Variants in GRM5 observed in about 807,000 individuals in gnomAD.
GRM5 encodes glutamate metabotropic receptor 5.
GRM5 carries 19 observed loss-of-function variants against 83.1 expected under a neutral mutation model. The observed-to-expected ratio is 0.23, with a 90% CI of 0.16 to 0.34. The LOEUF (loss-of-function observed/expected upper bound fraction) is 0.34. Ranked by LOEUF, GRM5 falls within the 10% of genes least tolerant of loss-of-function variation. The probability of loss-of-function intolerance (pLI) is 1.00; values close to 1 mark genes in which losing one functional copy is unlikely to be tolerated. For synonymous variants in GRM5, 675 were observed against 633.6 expected, an observed-to-expected ratio of 1.07 and a Z score of -0.98; for missense variants, 1,160 against 1,588.3, an observed-to-expected ratio of 0.73 and a Z score of 4.58.
chr11:88,634,698 A>G lies in GRM5; in HGVS notation c.1147+18470T>C, dbSNP rs553005539. 2.3e-4 allele frequency among the ~76,000 whole-genome samples: 35 copies of G among 152,314 alleles called. No individual in the cohort carries two copies. The South Asian group carries it at 6.8e-3, about 30-fold the overall frequency. On this transcript the variant is annotated intron_variant, in intron 4 of 9. Coordinates refer to ENST00000305447, the MANE Select transcript of GRM5 (RefSeq NM_001143831.3). ...TTTTACAGTTGACTTTTTATTTCTT[A>G]TAAGTAGAAGGAGTACACTCCCAAG... is the stretch of plus-strand genomic sequence containing the variant.
intron 1 of GRM5, among the ~76,000 whole-genome samples, chr11:89,058,806 G>A (rs374119478): frequency 6.6e-5 from 10 of 152,168 alleles, no homozygotes; most frequent in Admixed American, 5.9e-4. Context: ...TATACTTCCC[G>A]AATTCAAAGG....
At chr11:88,996,346 C>T (rs1196936383) in intron 2 of GRM5, among the ~76,000 whole-genome samples, 2 of 152,182 alleles carry the variant, frequency 1.3e-5, no homozygotes, top group Admixed American at 6.5e-5. Context: ...TGTACTTGGG[C>T]TTCATAAGCC....
chr11:88,956,865 T>A (rs191039363), intron 2 of GRM5, among the ~76,000 whole-genome samples: 2,565 of 152,294 alleles, frequency 0.017, 73 homozygotes, highest in African/African-American at 0.059. Context: ...CTCAGCTTGA[T>A]CAACTAATCT....
chr11:88,801,017 T>C (rs1255609835), intron 3 of GRM5, among the ~76,000 whole-genome samples: 6 of 152,176 alleles, frequency 3.9e-5, no homozygotes, highest in African/African-American at 1.2e-4. Context: ...ATAAATGCTA[T>C]ATGCTTCAGG....
chr11:88,784,551 T>TG (rs138165121), intron 3 of GRM5, among the ~76,000 whole-genome samples: 8,086 of 152,112 alleles, frequency 0.053, 399 homozygotes, highest in Admixed American at 0.16. Flanking sequence ...GACCTGATGT[T>TG]GAAGAGCTGT....
chr11:88,705,315 T>A (rs1228625597), intron 3 of GRM5, among the ~76,000 whole-genome samples: 1 of 151,994 alleles, frequency 6.6e-6, no homozygotes, highest in African/African-American at 2.4e-5. Context: ...AGGATTGGTA[T>A]TTTGAAAAAT....
At chr11:89,034,737 C>CATTGAAAATT (rs955500192) in intron 2 of GRM5, among the ~76,000 whole-genome samples, 8 of 151,394 alleles carry the variant, frequency 5.3e-5, no homozygotes, top group African/African-American at 1.9e-4. Context: ...ATCTGTATTT[C>CATTGAAAATT]ATTGAAAATT....
chr11:88,545,569 T>C (rs1162003643), intron 8 of GRM5, among the ~76,000 whole-genome samples: 1 of 151,120 alleles, frequency 6.6e-6, no homozygotes, highest in Non-Finnish European at 1.5e-5. Context: ...CCTCTTCTCC[T>C]TGAGGTTGAA....
rs968868262 is a variant in GRM5, at chr11:88,991,707, C to T, written c.661+55505G>A. Among the ~76,000 whole-genome samples the T allele has an allele frequency of 2.7e-4, 41 of 151,798 alleles. 1 individual carries two copies. Among genetic ancestry groups the T allele is most frequent in the African/African-American group, 8.5e-4 (35 of 41,318 alleles). ...AGAACAGAGCCCTCAGAAATAACGC[C>T]GCATATCTACAACTATGTGATCTTT... On this transcript the variant is annotated intron_variant, in intron 2 of 9. Coordinates refer to ENST00000305447, the MANE Select transcript of GRM5 (RefSeq NM_001143831.3).
At chr11:88,832,307 T>C (rs940104916) in intron 3 of GRM5, among the ~76,000 whole-genome samples, 1 of 152,150 alleles carries the variant, frequency 6.6e-6, no homozygotes, top group Non-Finnish European at 1.5e-5. Context: ...AAAATACCAG[T>C]AGTATTTCTA....
intron 2 of GRM5, among the ~76,000 whole-genome samples, chr11:88,988,052 A>C (rs1253562550): frequency 1.3e-5 from 2 of 151,084 alleles, no homozygotes; most frequent in Non-Finnish European, 2.9e-5. Flanking sequence ...TCAGACGATC[A>C]AATTACTCTG....
At chr11:88,596,814 C>T (rs1281097861) in intron 6 of GRM5, among the ~76,000 whole-genome samples, 2 of 151,932 alleles carry the variant, frequency 1.3e-5, no homozygotes, top group Admixed American at 1.3e-4. Context: ...TAAAGCGTGT[C>T]TCATTTATTT....
Position 89,025,652 on chromosome 11 carries a change from TAGAG to T in GRM5, c.661+21556_661+21559del, listed in dbSNP as rs1247858069. ...AATATGATTTAATAAAATATAAAGATAGAGAGGGAAGGAGGAAAAGAAATGGATG... is the reference window on the plus strand; with the variant it reads ...AATATGATTTAATAAAATATAAAGATAGGGAAGGAGGAAAAGAAATGGATG... On this transcript the variant is annotated intron_variant, in intron 2 of 9. Coordinates refer to ENST00000305447, the MANE Select transcript of GRM5 (RefSeq NM_001143831.3). Among the ~76,000 whole-genome samples the T allele has an allele frequency of 4.6e-5, 7 of 152,116 alleles. No individual in the cohort carries two copies. In the South Asian group the frequency reaches 1.0e-3, roughly 23 times the overall value.
At chr11:88,798,427 T>A (rs375580784) in intron 3 of GRM5, among the ~76,000 whole-genome samples, 1 of 152,134 alleles carries the variant, frequency 6.6e-6, no homozygotes, top group African/African-American at 2.4e-5. Context: ...AGAAAACACT[T>A]TTGTAGAATG....
intron 3 of GRM5, among the ~76,000 whole-genome samples, chr11:88,680,236 C>T (rs1327078556): frequency 2.0e-5 from 3 of 151,946 alleles, no homozygotes; most frequent in Non-Finnish European, 4.4e-5. Context: ...CCTCCCCACT[C>T]CCCCCACCCC....
In GRM5 at chr11:88,987,759, T is replaced by A. The variant is rs1028127552; in HGVS notation, c.661+59453A>T. Reference sequence around the variant, plus strand: ...CCCCCAGCAGGGGCACACTGACACCTCACACGGCAGGGTACTCCAACAGAC... The same window carrying A: ...CCCCCAGCAGGGGCACACTGACACCACACACGGCAGGGTACTCCAACAGAC... On this transcript the variant is annotated intron_variant, in intron 2 of 9. Coordinates refer to ENST00000305447, the MANE Select transcript of GRM5 (RefSeq NM_001143831.3). Among the ~76,000 whole-genome samples the A allele has an allele frequency of 1.2e-4, 18 of 151,742 alleles. No homozygotes were observed. The East Asian group carries it at 2.1e-3, about 18-fold the overall frequency.
intron 3 of GRM5, among the ~76,000 whole-genome samples, chr11:88,760,596 G>A (rs1197450088): frequency 1.3e-5 from 2 of 151,834 alleles, no homozygotes; most frequent in Non-Finnish European, 2.9e-5. Flanking sequence ...AATTCTCAGT[G>A]CCATATGGAT....
chr11:88,550,691 A>G (rs1045873431), intron 8 of GRM5, among the ~76,000 whole-genome samples: 33 of 152,302 alleles, frequency 2.2e-4, no homozygotes, highest in African/African-American at 6.7e-4. Context: ...AGGGAAATGG[A>G]CAGTCATTTA....
At chr11:88,887,030 CG>C (rs1945055754) in intron 2 of GRM5, among the ~76,000 whole-genome samples, 1 of 152,134 alleles carries the variant, frequency 6.6e-6, no homozygotes, top group Non-Finnish European at 1.5e-5. Context: ...TGAGGCACAT[CG>C]TTGGTCCTTT....
Sources: allele counts gnomAD v4.1 joint callset (sites outside exome capture counted in the v4.1 genomes callset), GRCh38; gene constraint gnomAD v4.1.1; transcripts MANE v1.5; gene names NCBI Gene and HGNC (gene_info 2026-07-23, HGNC 2026-07-21).